The following FOXQ1 variants were observed in gnomAD, a reference collection of about 807,000 sequenced individuals.
FOXQ1 encodes the protein forkhead box Q1.
FOXQ1 carries 1 observed loss-of-function variant against 0.6 expected under a neutral mutation model. The observed-to-expected ratio is 1.73, with a 90% CI of 0.61 to 8.20. The LOEUF (loss-of-function observed/expected upper bound fraction) is 8.20, where lower values mean the gene tolerates loss of function less well. FOXQ1 is among the 30% of genes most tolerant of loss of function. FOXQ1 has a pLI of 0.13. For synonymous variants in FOXQ1, 377 were observed against 294.4 expected (o/e 1.28, Z -2.87); for missense variants, 734 against 595.6 (o/e 1.23, Z -2.42).
Position 1,312,778 on chromosome 6 carries a change from G to A in FOXQ1, c.74G>A (p.Gly25Asp), listed in dbSNP as rs950599315. 3.1e-6 allele frequency: 4 copies of A among 1,310,600 alleles called. No individual in the cohort carries two copies. The highest frequency in any genetic ancestry group is 9.7e-7 in the Non-Finnish European group (1 of 1,031,654). The allele number at this position is 1,310,600 out of a possible 1,614,324, so 81.2% of individuals were successfully genotyped here. The stretch of plus-strand genomic sequence containing the variant: ...GGCAGTGACCTGGAGGGCGCGGGCG[G>A]CAGCGACGCGCCGTCCCCGCTGTCG... ...KQGSDLEGAG[G>D]SDAPSPLSAA... is the part of the protein sequence containing the mutation. Residue 25 changes from glycine (G) to aspartate (D), a missense_variant, in exon 1 of 1, where the codon GGC becomes GAC. Transcript: ENST00000296839.
Position 1,313,781 on chromosome 6 carries a change from C to T in FOXQ1, c.1077C>T (p.Ala359=), listed in dbSNP as rs937925511. 17 of 1,256,644 alleles carry T rather than the reference C, an allele frequency of 1.4e-5. No homozygotes were observed. The highest frequency in any genetic ancestry group is 1.7e-5 in the Non-Finnish European group (17 of 1,002,902). 77.8% of individuals were successfully genotyped at this position (1,256,644 alleles called of 1,614,324 possible). The change falls in exon 1 of 1, where the codon GCC becomes GCT. Residue 359 remains alanine, a synonymous_variant. Transcript: ENST00000296839. This position sits in a 1 kb window ranked among gnomAD's most constrained non-coding sequence, Gnocchi z 5.2. ...LLAPLPAAAP[A]KPLRGPAAGG... ...CACCTCTCCCGGCGGCGGCCCCCGC[C>T]AAGCCACTCCGAGGCCCGGCGGCCG...
rs1454752334 is a variant in FOXQ1, at chr6:1,314,382, T to C, written c.*466T>C. On this transcript the variant is annotated 3_prime_UTR_variant, in exon 1 of 1. Coordinates refer to ENST00000296839, the MANE Select transcript of FOXQ1 (RefSeq NM_033260.4). ...TGGCATTTCCAGGTATGACTGAGTG[T>C]GAGAGACATGTCAGAGGCTCTTCAG... The C allele has an allele frequency of 6.0e-6, 1 of 166,940 alleles. No individual in the cohort carries two copies. The highest frequency in any genetic ancestry group is 1.5e-5 in the Non-Finnish European group (1 of 68,190). The allele number at this position is 166,940 out of a possible 1,614,324, so 10.3% of individuals were successfully genotyped here.
chr6:1,313,564 G>T lies in FOXQ1; in HGVS notation c.860G>T (p.Arg287Met). ...LRKPFRSRRL[R>M]DTAPGTTLQW... Reference sequence around the variant, plus strand: ...AAGCCCTTCCGCAGCCGCCGCCTCAGGGACACGGCCCCCGGGACGACGCTT... The same window carrying T: ...AAGCCCTTCCGCAGCCGCCGCCTCATGGACACGGCCCCCGGGACGACGCTT... The change falls in exon 1 of 1, where the codon AGG becomes ATG. Residue 287 changes from arginine to methionine, a missense_variant. Arg to Met is a moderately conservative substitution (Grantham distance 91). Transcript: ENST00000296839. The surrounding 1 kb of genome is among the most constrained non-coding windows in gnomAD (Gnocchi z 5.2). 8.0e-7 allele frequency: 1 copy of T among 1,249,376 alleles called. No homozygotes were observed. The highest frequency in any genetic ancestry group is 3.0e-5 in the Admixed American group (1 of 33,762). 77.4% of individuals were successfully genotyped at this position (1,249,376 alleles called of 1,614,324 possible).
At position 1,313,541 on chromosome 6, in the gene FOXQ1, GC is replaced by G; in HGVS notation, c.840del (p.Phe281SerfsTer122). On this transcript the variant is annotated frameshift_variant, in exon 1 of 1. Transcript: ENST00000296839. LOFTEE classifies it low-confidence loss of function (END_TRUNC). The surrounding 1 kb of genome is among the most constrained non-coding windows in gnomAD (Gnocchi z 5.2). The part of the protein sequence containing the change: ...SFAIDSILRK[P>X]FRSRRLRDTA... ...TCGCCATCGACAGCATCCTGCGCAA[GC>G]CCTTCCGCAGCCGCCGCCTCAGGGA... 1.6e-6 allele frequency: 2 copies of G among 1,268,120 alleles called. No individual in the cohort carries two copies. The highest frequency in any genetic ancestry group is 1.0e-6 in the Non-Finnish European group (1 of 986,752). The allele number at this position is 1,268,120 out of a possible 1,614,324, so 78.6% of individuals were successfully genotyped here.
In FOXQ1 at chr6:1,313,438, C is replaced by T. The variant is rs1046790506; in HGVS notation, c.734C>T (p.Ala245Val). ...GCCGCCCCGCCGCCCGCGCCCGCCG[C>T]CCCGGCCTCGCCCCGCATGCGCTCG... ...LPAAPPPAPA[A>V]PASPRMRSPA... The change falls in exon 1 of 1, where the codon GCC becomes GTC. Residue 245 changes from alanine to valine, a missense_variant. Ala to Val is a moderately conservative substitution (Grantham distance 64). Coordinates refer to ENST00000296839, the MANE Select transcript of FOXQ1 (RefSeq NM_033260.4). The surrounding 1 kb of genome is among the most constrained non-coding windows in gnomAD (Gnocchi z 5.2). 3.0e-6 allele frequency: 3 copies of T among 1,006,570 alleles called. No homozygotes were observed. Among genetic ancestry groups the T allele is most frequent in the Non-Finnish European group, 3.5e-6 (3 of 847,372 alleles). The allele number at this position is 1,006,570 out of a possible 1,614,324, so 62.4% of individuals were successfully genotyped here.
chr6:1,313,541 G>T lies in FOXQ1; in HGVS notation c.837G>T (p.Lys279Asn). 7.9e-7 allele frequency: 1 copy of T among 1,268,124 alleles called. No individual in the cohort carries two copies. The highest frequency in any genetic ancestry group is 1.0e-6 in the Non-Finnish European group (1 of 986,754). 78.6% of individuals were successfully genotyped at this position (1,268,124 alleles called of 1,614,324 possible). The change falls in exon 1 of 1, where the codon AAG (lysine) becomes AAT (asparagine). Residue 279 changes from lysine to asparagine, a missense_variant. Transcript: ENST00000296839. The surrounding 1 kb of genome is among the most constrained non-coding windows in gnomAD (Gnocchi z 5.2). ...SSFAIDSILR[K>N]PFRSRRLRDT... ...TCGCCATCGACAGCATCCTGCGCAA[G>T]CCCTTCCGCAGCCGCCGCCTCAGGG...
At position 1,312,689 on chromosome 6, in the gene FOXQ1, G is replaced by A; in HGVS notation, c.-16G>A. 1 of 1,329,304 alleles carries A rather than the reference G, an allele frequency of 7.5e-7. No homozygotes were observed. Among genetic ancestry groups the A allele is most frequent in the Non-Finnish European group, 9.6e-7 (1 of 1,042,970 alleles). The allele number at this position is 1,329,304 out of a possible 1,614,324, so 82.3% of individuals were successfully genotyped here. A position where few individuals can be genotyped will look rare whatever the true frequency, so the allele number is the denominator to read the frequency against. On this transcript the variant is annotated 5_prime_UTR_variant, in exon 1 of 1. Coordinates refer to ENST00000296839, the MANE Select transcript of FOXQ1 (RefSeq NM_033260.4). ...GGAAGAGGGTACGACGCCGGGGAGG[G>A]ACTGGGTGCGCGGGCATGAAGTTGG...
chr6:1,313,632 G>T lies in FOXQ1; in HGVS notation c.928G>T (p.Ala310Ser). The T allele has an allele frequency of 9.2e-7, 1 of 1,092,774 alleles. No individual in the cohort carries two copies. Among genetic ancestry groups the T allele is most frequent in the Non-Finnish European group, 1.1e-6 (1 of 898,610 alleles). The allele number at this position is 1,092,774 out of a possible 1,614,324, so 67.7% of individuals were successfully genotyped here. The change falls in exon 1 of 1, where the codon GCG (alanine) becomes TCG (serine). Residue 310 changes from alanine (A) to serine (S), a missense_variant. Ala to Ser is a moderately conservative substitution (Grantham distance 99, BLOSUM62 1). Coordinates refer to ENST00000296839, the MANE Select transcript of FOXQ1 (RefSeq NM_033260.4). This position sits in a 1 kb window ranked among gnomAD's most constrained non-coding sequence, Gnocchi z 5.2. Reference sequence around the variant, plus strand: ...CTGCCCGCCGCTGCCCGCGTTCCCCGCGCTCCTCCCCGCGGCGCCCTGCAG... The same window carrying T: ...CTGCCCGCCGCTGCCCGCGTTCCCCTCGCTCCTCCCCGCGGCGCCCTGCAG... ...APCPPLPAFP[A>S]LLPAAPCRAL...
chr6:1,312,797 G>T lies in FOXQ1; in HGVS notation c.93G>T (p.Pro31=), dbSNP rs1473901755. The part of the protein sequence containing the change: ...EGAGGSDAPS[P]LSAAGDDSLG... The stretch of plus-strand genomic sequence containing the variant: ...CGGGCGGCAGCGACGCGCCGTCCCC[G>T]CTGTCGGCGGCGGGAGACGACTCCC... The change falls in exon 1 of 1, where the codon CCG becomes CCT. Residue 31 remains proline, a synonymous_variant. Transcript: ENST00000296839. The T allele has an allele frequency of 6.9e-6, 9 of 1,303,462 alleles. No homozygotes were observed. In the Admixed American group the frequency reaches 1.7e-4, roughly 24 times the overall value. 80.7% of individuals were successfully genotyped at this position (1,303,462 alleles called of 1,614,324 possible).
chr6:1,314,190 T>C lies in FOXQ1; in HGVS notation c.*274T>C, dbSNP rs140795393. On this transcript the variant is annotated 3_prime_UTR_variant, in exon 1 of 1. Transcript: ENST00000296839. Reference sequence around the variant, plus strand: ...CTCCTTCCCTTCATAAGGACTTTTTTTGTCTTTCTTTAACGCCCAGGCTTC... The same window carrying C: ...CTCCTTCCCTTCATAAGGACTTTTTCTGTCTTTCTTTAACGCCCAGGCTTC... 3.3e-4 allele frequency: 99 copies of C among 299,450 alleles called. 1 individual carries two copies. In the East Asian group the frequency reaches 7.1e-3, roughly 22 times the overall value. The allele number at this position is 299,450 out of a possible 1,614,324, so 18.5% of individuals were successfully genotyped here.
At position 1,312,770 on chromosome 6, in the gene FOXQ1, C is replaced by A. The variant is rs1292814407; in HGVS notation, c.66C>A (p.Gly22=). 1 of 1,317,408 alleles carries A rather than the reference C, an allele frequency of 7.6e-7. No homozygotes were observed. Among genetic ancestry groups the A allele is most frequent in the East Asian group, 3.1e-5 (1 of 32,340 alleles). The allele number at this position is 1,317,408 out of a possible 1,614,324, so 81.6% of individuals were successfully genotyped here. A position where few individuals can be genotyped will look rare whatever the true frequency, so the allele number is the denominator to read the frequency against. ...ACAAGCAGGGCAGTGACCTGGAGGGCGCGGGCGGCAGCGACGCGCCGTCCC... is the reference window on the plus strand; with the variant it reads ...ACAAGCAGGGCAGTGACCTGGAGGGAGCGGGCGGCAGCGACGCGCCGTCCC... ...HGDKQGSDLE[G]AGGSDAPSPL... is the part of the protein sequence containing the mutation. The change falls in exon 1 of 1, where the codon GGC becomes GGA. Residue 22 remains glycine (G), a synonymous_variant. Coordinates refer to ENST00000296839, the MANE Select transcript of FOXQ1 (RefSeq NM_033260.4).
chr6:1,312,104 C>A lies in FOXQ1; in HGVS notation c.-601C>A, dbSNP rs1357265057. ...CCGGCCCGAAGGTGGAGGCGAGACG[C>A]AGCCGCGGCAGGCCAGCGGGGAGAT... On this transcript the variant is annotated 5_prime_UTR_variant, in exon 1 of 1. Transcript: ENST00000296839. 6.6e-6 allele frequency among the ~76,000 whole-genome samples: 1 copy of A among 152,206 alleles called. No individual in the cohort carries two copies. Among genetic ancestry groups the A allele is most frequent in the African/African-American group, 2.4e-5 (1 of 41,466 alleles).
chr6:1,313,064 C>T lies in FOXQ1; in HGVS notation c.360C>T (p.Pro120=), dbSNP rs370824086. 21 of 1,603,468 alleles carry T rather than the reference C, an allele frequency of 1.3e-5. No homozygotes were observed. Among genetic ancestry groups the T allele is most frequent in the African/African-American group, 2.7e-5 (2 of 73,936 alleles). The change falls in exon 1 of 1, where the codon CCC becomes CCT. Residue 120 remains proline, a synonymous_variant. Coordinates refer to ENST00000296839, the MANE Select transcript of FOXQ1 (RefSeq NM_033260.4). This position sits in a 1 kb window ranked among gnomAD's most constrained non-coding sequence, Gnocchi z 5.2. ...RSKPYTRRPK[P]PYSYIALIAM... ...AGCCATATACGCGGCGGCCCAAGCC[C>T]CCCTACTCGTACATCGCGCTCATCG...
rs748365414 is a variant in FOXQ1 at position 1,313,061 on chromosome 6, G to C, written c.357G>C (p.Lys119Asn). The change falls in exon 1 of 1, where the codon AAG becomes AAC. Residue 119 changes from lysine to asparagine, a missense_variant. By Grantham distance (94) the Lys-to-Asn change is moderately conservative (BLOSUM62 0). Coordinates refer to ENST00000296839, the MANE Select transcript of FOXQ1 (RefSeq NM_033260.4). The surrounding 1 kb of genome is among the most constrained non-coding windows in gnomAD (Gnocchi z 5.2). Reference protein sequence around the residue: ...ARSKPYTRRPKPPYSYIALIA... With the variant: ...ARSKPYTRRPNPPYSYIALIA... ...GCAAGCCATATACGCGGCGGCCCAA[G>C]CCCCCCTACTCGTACATCGCGCTCA... 14 of 1,599,002 alleles carry C rather than the reference G, an allele frequency of 8.8e-6. No individual in the cohort carries two copies. Among genetic ancestry groups the C allele is most frequent in the Non-Finnish European group, 1.0e-5 (12 of 1,173,078 alleles).
rs906496877 is a variant in FOXQ1 at position 1,312,159 on chromosome 6, G to A, written c.-546G>A. Among the ~76,000 whole-genome samples the A allele has an allele frequency of 1.3e-5, 2 of 152,218 alleles. No individual in the cohort carries two copies. Among genetic ancestry groups the A allele is most frequent in the African/African-American group, 4.8e-5 (2 of 41,466 alleles). On this transcript the variant is annotated 5_prime_UTR_variant, in exon 1 of 1. Transcript: ENST00000296839. ...CCCCGGAGGCTGGGAGCGGGAAGGC[G>A]GCTGCGGGCGCAGCGGCCTCGGGGA...
Position 1,312,449 on chromosome 6 carries a change from G to T in FOXQ1, c.-256G>T. 2.3e-6 allele frequency: 1 copy of T among 428,774 alleles called. No individual in the cohort carries two copies. The allele number at this position is 428,774 out of a possible 1,614,324, so 26.6% of individuals were successfully genotyped here. ...ACACTCACCCCAAAGTCTCAACGTC[G>T]AACCGAAGGCGACACCCACCCAACT... is the stretch of plus-strand genomic sequence containing the variant. On this transcript the variant is annotated 5_prime_UTR_variant, in exon 1 of 1. Transcript: ENST00000296839.
Position 1,313,988 on chromosome 6 carries a change from C to A in FOXQ1, c.*72C>A. The A allele has an allele frequency of 8.3e-7, 1 of 1,209,372 alleles. No homozygotes were observed. 74.9% of individuals were successfully genotyped at this position (1,209,372 alleles called of 1,614,324 possible). ...GCGGGAACGCGGGCCCGCGCGCGGA[C>A]TTTGCACTTTGAATCCAGAGGAAGA... On this transcript the variant is annotated 3_prime_UTR_variant, in exon 1 of 1. Coordinates refer to ENST00000296839, the MANE Select transcript of FOXQ1 (RefSeq NM_033260.4). This position sits in a 1 kb window ranked among gnomAD's most constrained non-coding sequence, Gnocchi z 5.2.
rs1173032994 is a variant in FOXQ1, at chr6:1,312,887, G to A, written c.183G>A (p.Gln61=). Residue 61 remains glutamine, a synonymous_variant, in exon 1 of 1, where the codon CAG becomes CAA. Transcript: ENST00000296839. The stretch of plus-strand genomic sequence containing the variant: ...CGGGCGGCGGCGCCAGAGATACGCA[G>A]GGCGACGGCGAACAGAGTGCGGGAG... ...PAAGGGARDT[Q]GDGEQSAGGG... 2 of 1,279,068 alleles carry A rather than the reference G, an allele frequency of 1.6e-6. No homozygotes were observed. The highest frequency in any genetic ancestry group is 4.1e-5 in the Admixed American group (1 of 24,686). The allele number at this position is 1,279,068 out of a possible 1,614,324, so 79.2% of individuals were successfully genotyped here.
chr6:1,312,629 C>T lies in FOXQ1; in HGVS notation c.-76C>T, dbSNP rs946715417. The stretch of plus-strand genomic sequence containing the variant: ...GATCCCCGGCCCCGGATCGCCATCC[C>T]CTTCCCTGGCACCAGCTTCTCTAGG... On this transcript the variant is annotated 5_prime_UTR_variant, in exon 1 of 1. Coordinates refer to ENST00000296839, the MANE Select transcript of FOXQ1 (RefSeq NM_033260.4). 7.8e-7 allele frequency: 1 copy of T among 1,275,404 alleles called. No individual in the cohort carries two copies. Among genetic ancestry groups the T allele is most frequent in the Non-Finnish European group, 9.9e-7 (1 of 1,010,188 alleles). The allele number at this position is 1,275,404 out of a possible 1,614,324, so 79.0% of individuals were successfully genotyped here. A position where few individuals can be genotyped will look rare whatever the true frequency, so the allele number is the denominator to read the frequency against.
Sources: gnomAD v4.1 joint callset for allele counts (sites outside exome capture counted in the v4.1 genomes callset) on GRCh38, gnomAD v4.1.1 for gene constraint, Gnocchi (gnomAD v3.1) non-coding constraint, MANE v1.5 for transcripts, NCBI Gene and HGNC (gene_info 2026-07-23, HGNC 2026-07-21) for gene names.